The following FRMD4A variants were observed in gnomAD, a reference collection of about 807,000 sequenced individuals.
The protein encoded by FRMD4A is FERM domain-containing protein 4A.
In FRMD4A, 29 loss-of-function variants were observed where a neutral mutation model predicts 129.1. The ratio of observed to expected loss-of-function variants is 0.22; its 90% CI spans 0.17 to 0.31. The LOEUF is 0.31. Ranked by LOEUF, FRMD4A falls within the 10% of genes least tolerant of loss-of-function variation. FRMD4A has a pLI of 1.00. For synonymous variants in FRMD4A, 634 were observed against 571.6 expected (o/e 1.11, Z -1.56); for missense variants, 1,272 against 1,375.8 (o/e 0.92, Z 1.19).
At chr10:14,243,995 A>G (rs2132009619) in intron 2 of FRMD4A, among the ~76,000 whole-genome samples, 1 of 152,324 alleles carries the variant, frequency 6.6e-6, no homozygotes, top group South Asian at 2.1e-4. Context: ...CAATGAATGT[A>G]CACAACTCCA....
chr10:13,887,206 C>T (rs2094633715), intron 2 of FRMD4A, among the ~76,000 whole-genome samples: 1 of 152,298 alleles, frequency 6.6e-6, no homozygotes, highest in African/African-American at 2.4e-5. Context: ...ACTGAGACTA[C>T]CACTCATTTC....
chr10:14,069,807 T>C (rs1835231182), intron 2 of FRMD4A, among the ~76,000 whole-genome samples: 1 of 152,200 alleles, frequency 6.6e-6, no homozygotes, highest in African/African-American at 2.4e-5. Flanking sequence ...AGCTTTTTAA[T>C]ATTTGCACGG....
intron 12 of FRMD4A, among the ~76,000 whole-genome samples, chr10:13,716,304 C>T (rs928763497): frequency 1.3e-5 from 2 of 152,036 alleles, no homozygotes; most frequent in Non-Finnish European, 2.9e-5. Context: ...ATTCACCCTG[C>T]GAAAAAAGTA....
chr10:13,670,994 T>C (rs2083465263), intron 16 of FRMD4A, among the ~76,000 whole-genome samples: 2 of 152,162 alleles, frequency 1.3e-5, no homozygotes, highest in African/African-American at 4.8e-5. Flanking sequence ...AAGTTTAAAG[T>C]TTCCTTCAAA....
intron 3 of FRMD4A, among the ~76,000 whole-genome samples, chr10:13,816,946 A>C (rs1368349133): frequency 6.6e-6 from 1 of 152,256 alleles, no homozygotes; most frequent in Non-Finnish European, 1.5e-5. Flanking sequence ...AGGTCATTAC[A>C]TCTAAGACTG....
At chr10:13,651,648 G>A (rs111599956) in intron 24 of FRMD4A, 5 of 447,542 alleles carry the variant, frequency 1.1e-5, no homozygotes, top group Middle Eastern at 5.8e-4. Flanking sequence ...ACTCCAGCCT[G>A]GGCAACAGAA....
intron 2 of FRMD4A, among the ~76,000 whole-genome samples, chr10:14,131,042 AG>A (rs1404334537): frequency 6.6e-6 from 1 of 152,206 alleles, no homozygotes; most frequent in African/African-American, 2.4e-5. Context: ...CTTTCAGAAA[AG>A]GTTAGCAGTG....
rs545254432 is a variant in FRMD4A at position 13,686,328 on chromosome 10, G to C, written c.1117+7570C>G. ...GTCGTGTGATTTATATCAGCGCAAGGCAGTGAATTCTGAGCTGAACACAGC... is the reference window on the plus strand; with the variant it reads ...GTCGTGTGATTTATATCAGCGCAAGCCAGTGAATTCTGAGCTGAACACAGC... On this transcript the variant is annotated intron_variant, in intron 15 of 24. Transcript: ENST00000357447. Among the ~76,000 whole-genome samples the C allele has an allele frequency of 1.2e-3, 185 of 152,364 alleles. 1 individual carries two copies. The highest frequency in any genetic ancestry group is 4.3e-3 in the African/African-American group (179 of 41,586).
intron 2 of FRMD4A, among the ~76,000 whole-genome samples, chr10:14,077,186 T>C (rs914087010): frequency 1.7e-4 from 26 of 152,270 alleles, no homozygotes; most frequent in African/African-American, 6.3e-4. Flanking sequence ...GGACTAAAGA[T>C]GCTACTTGCA....
At chr10:13,957,415 G>A (rs1008460164) in intron 2 of FRMD4A, among the ~76,000 whole-genome samples, 3 of 151,906 alleles carry the variant, frequency 2.0e-5, no homozygotes, top group Non-Finnish European at 2.9e-5. Flanking sequence ...CACCATGCCC[G>A]GCTAATTTTT....
chr10:14,223,901 A>C (rs1217225152), intron 2 of FRMD4A, among the ~76,000 whole-genome samples: 1 of 152,118 alleles, frequency 6.6e-6, no homozygotes, highest in Non-Finnish European at 1.5e-5. Context: ...TAGATACTCC[A>C]TTTCTCTACC....
intron 2 of FRMD4A, among the ~76,000 whole-genome samples, chr10:13,964,492 G>C (rs11258754): frequency 0.064 from 9,480 of 149,158 alleles, 1,092 homozygotes; most frequent in African/African-American, 0.22. Flanking sequence ...TGGGTGGGGA[G>C]GCAATAGAGA....
chr10:13,761,672 G>A lies in FRMD4A; in HGVS notation c.442-3C>T, dbSNP rs1477169336. On this transcript the variant is annotated splice_polypyrimidine_tract_variant and splice_region_variant and intron_variant, in intron 7 of 24. Coordinates refer to ENST00000357447, the MANE Select transcript of FRMD4A (RefSeq NM_018027.5). Reference sequence around the variant, plus strand: ...CTAGAAAAATCTCCCTTTGCCTCCTGTAGAAGAAAAAATTCAACATCAGCG... The same window carrying A: ...CTAGAAAAATCTCCCTTTGCCTCCTATAGAAGAAAAAATTCAACATCAGCG... 11 of 1,600,482 alleles carry A rather than the reference G, an allele frequency of 6.9e-6. No individual in the cohort carries two copies. The South Asian group carries it at 8.9e-5, about 13-fold the overall frequency.
At chr10:14,216,666 C>T (rs77000077) in intron 2 of FRMD4A, among the ~76,000 whole-genome samples, 1,697 of 152,234 alleles carry the variant, frequency 0.011, 12 homozygotes, top group Non-Finnish European at 0.018. Context: ...GCAAGTCCTT[C>T]TCCTTGATTT....
chr10:13,751,405 A>T (rs1445471668), intron 8 of FRMD4A, among the ~76,000 whole-genome samples: 8 of 152,216 alleles, frequency 5.3e-5, no homozygotes, highest in African/African-American at 1.9e-4. Flanking sequence ...TTCCCCGAGG[A>T]CAAATCTATA....
At chr10:13,812,074 G>C (rs919254635) in intron 3 of FRMD4A, among the ~76,000 whole-genome samples, 6 of 152,028 alleles carry the variant, frequency 3.9e-5, no homozygotes, top group Non-Finnish European at 8.8e-5. Context: ...GTAGAGACAG[G>C]GTTTCACCAT....
chr10:13,944,432 T>C (rs944089399), intron 2 of FRMD4A, among the ~76,000 whole-genome samples: 1 of 152,148 alleles, frequency 6.6e-6, no homozygotes, highest in African/African-American at 2.4e-5. Context: ...GGGTTCCCAC[T>C]GATTCTACAT....
chr10:13,871,843 C>T (rs2094442131), intron 2 of FRMD4A, among the ~76,000 whole-genome samples: 1 of 152,228 alleles, frequency 6.6e-6, no homozygotes. Flanking sequence ...AGGTCTGAGC[C>T]ACACACTGTG....
At chr10:14,289,996 C>T (rs1845801515) in intron 2 of FRMD4A, among the ~76,000 whole-genome samples, 1 of 151,594 alleles carries the variant, frequency 6.6e-6, no homozygotes, top group South Asian at 2.1e-4. Context: ...AGAAAAAAAT[C>T]CTATTTATAA....
Sources: allele counts gnomAD v4.1 joint callset (sites outside exome capture counted in the v4.1 genomes callset), GRCh38; gene constraint gnomAD v4.1.1; transcripts MANE v1.5; gene names NCBI Gene and HGNC (gene_info 2026-07-23, HGNC 2026-07-21).